The following ZNF410 variants were observed in gnomAD, a reference collection of about 807,000 sequenced individuals.
The protein encoded by ZNF410 is another partner for ARF 1.
In ZNF410, 18 loss-of-function variants were observed where a neutral mutation model predicts 54.8. The ratio of observed to expected loss-of-function variants is 0.33; its 90% CI spans 0.23 to 0.49. ZNF410 has a LOEUF of 0.49. Among genes scored for constraint, ZNF410 ranks in the 20% least tolerant of loss-of-function variants. The pLI is 0.99. For missense variants in ZNF410, 405 were observed against 569.6 expected, an observed-to-expected ratio of 0.71 and a Z score of 2.94; for synonymous variants, 191 against 207.3, an observed-to-expected ratio of 0.92 and a Z score of 0.68.
chr14:73,897,778 C>A (rs983358114), intron 4 of ZNF410, among the ~76,000 whole-genome samples: 9 of 151,962 alleles, frequency 5.9e-5, no homozygotes, highest in Non-Finnish European at 1.2e-4. Context: ...TCAAGACCAG[C>A]CTGACCAACA....
intron 8 of ZNF410, chr14:73,909,734 C>G (rs924366172): frequency 1.3e-5 from 3 of 226,384 alleles, no homozygotes; most frequent in African/African-American, 6.8e-5. Flanking sequence ...GGACCCTCTT[C>G]TTTAGGAATT....
intron 6 of ZNF410, among the ~76,000 whole-genome samples, chr14:73,904,651 G>T (rs1202827587): frequency 2.6e-5 from 4 of 152,112 alleles, no homozygotes; most frequent in Admixed American, 2.6e-4. Context: ...TAAAGACAGG[G>T]TCTCGCTATG....
At chr14:73,926,740 T>C (rs1475338812) in intron 11 of ZNF410, among the ~76,000 whole-genome samples, 2 of 93,250 alleles carry the variant, frequency 2.1e-5, no homozygotes, top group African/African-American at 6.1e-5. Context: ...CGGCCAGGAA[T>C]TGGGAGTTTT....
At chr14:73,889,682 C>A (rs78907268) in intron 1 of ZNF410, among the ~76,000 whole-genome samples, 3 of 152,038 alleles carry the variant, frequency 2.0e-5, no homozygotes, top group Non-Finnish European at 2.9e-5. Flanking sequence ...CCATATGAAA[C>A]TGTTGCAGTG....
chr14:73,901,786 C>T (rs1231894960), intron 5 of ZNF410, among the ~76,000 whole-genome samples: 1 of 150,868 alleles, frequency 6.6e-6, no homozygotes, highest in Non-Finnish European at 1.5e-5. Context: ...AAAAATTAGC[C>T]AGGTGTGGTA....
At chr14:73,920,891 T>G in intron 8 of ZNF410, 89 bp from the exon 9 acceptor site, 1 of 1,545,718 alleles carries the variant, frequency 6.5e-7, no homozygotes, top group South Asian at 1.2e-5. Flanking sequence ...ATGTTCAGTT[T>G]AACATTCTCT....
chr14:73,890,466 G>A (rs968842269), intron 1 of ZNF410, among the ~76,000 whole-genome samples: 1 of 152,096 alleles, frequency 6.6e-6, no homozygotes, highest in African/African-American at 2.4e-5. Context: ...GGGTTTACAG[G>A]CGTGAGCCAC....
intron 7 of ZNF410, 57 bp downstream of exon 7, chr14:73,905,140 C>T: frequency 6.4e-7 from 1 of 1,557,916 alleles, no homozygotes; most frequent in African/African-American, 1.4e-5. Flanking sequence ...TGCATGTTTG[C>T]CTCTCCTTAG....
chr14:73,903,863 A>C lies in ZNF410; in HGVS notation c.581-97A>C, dbSNP rs1370902074. 4.8e-6 allele frequency: 7 copies of C among 1,461,516 alleles called. No individual in the cohort carries two copies. In the East Asian group the frequency reaches 1.6e-4, roughly 33 times the overall value. The allele number at this position is 1,461,516 out of a possible 1,614,324, so 90.5% of individuals were successfully genotyped here. On this transcript the variant is annotated intron_variant, in intron 5 of 11. Transcript: ENST00000555044. ...GAAGATGAAGATAGATACCTGATTA[A>C]TGATCACTAGGAGTAAAATATAGGA...
intron 11 of ZNF410, 38 bp from the exon 12 acceptor site, chr14:73,931,465 C>G: frequency 6.4e-7 from 1 of 1,571,170 alleles, no homozygotes; most frequent in Non-Finnish European, 8.7e-7. Context: ...TATAATTCAA[C>G]TGTAACCTAT....
In ZNF410 at chr14:73,921,058, A is replaced by G; in HGVS notation, c.1082A>G (p.His361Arg). 6.2e-7 allele frequency: 1 copy of G among 1,614,170 alleles called. No individual in the cohort carries two copies. The highest frequency in any genetic ancestry group is 1.6e-4 in the Middle Eastern group (1 of 6,062). ...AGCAGGAATGTGCATATGAGAAAGC[A>G]TCACCTGCAGCTGGGAGCAGCTGGG... The part of the protein sequence containing the change: ...SGSRNVHMRK[H>R]HLQLGAAGSQ... Residue 361 changes from histidine to arginine, a missense_variant, in exon 9 of 12, where the codon CAT (histidine) becomes CGT (arginine). Coordinates refer to ENST00000555044, the MANE Select transcript of ZNF410 (RefSeq NM_021188.3).
At chr14:73,915,922 T>G (rs2055660496) in intron 8 of ZNF410, 1 of 152,096 alleles carries the variant, frequency 6.6e-6, no homozygotes, top group South Asian at 2.1e-4. Flanking sequence ...GTGCTAGACT[T>G]GGTTTTGTCA....
At chr14:73,912,924 AG>A (rs1284216743) in intron 8 of ZNF410, 3 of 150,544 alleles carry the variant, frequency 2.0e-5, no homozygotes, top group Admixed American at 6.6e-5. Context: ...TAGGATGTGC[AG>A]GTTTGTTACC....
chr14:73,929,853 CAG>C, intron 11 of ZNF410, among the ~76,000 whole-genome samples: 1 of 151,764 alleles, frequency 6.6e-6, no homozygotes, highest in African/African-American at 2.4e-5. Flanking sequence ...GGAAAAATAT[CAG>C]AAACTACAAG....
At chr14:73,889,724 G>A (rs1225305438) in intron 1 of ZNF410, among the ~76,000 whole-genome samples, 5 of 151,762 alleles carry the variant, frequency 3.3e-5, no homozygotes, top group African/African-American at 1.2e-4. Flanking sequence ...TGGAAGAAAA[G>A]TCAGGGATTT....
At chr14:73,894,400 A>G (rs1397642064) in intron 3 of ZNF410, 1 of 700,874 alleles carries the variant, frequency 1.4e-6, no homozygotes, top group African/African-American at 1.8e-5. Flanking sequence ...GTCAGGCTGC[A>G]GTGACTTGAG....
In ZNF410 at chr14:73,909,379, C is replaced by A; in HGVS notation, c.952C>A (p.Arg318Ser). ...CCTTTGTGAAGCCCAAGGATGTGGC[C>A]GTTCCTTTGCTGAGTATTCTAGCCT... is the stretch of plus-strand genomic sequence containing the variant. ...PFLCEAQGCG[R>S]SFAEYSSLRK... The change falls in exon 8 of 12, where the codon CGT becomes AGT. Residue 318 changes from arginine (R) to serine (S), a missense_variant. Transcript: ENST00000555044. The A allele has an allele frequency of 1.2e-6, 2 of 1,614,068 alleles. No individual in the cohort carries two copies. Among genetic ancestry groups the A allele is most frequent in the Non-Finnish European group, 1.7e-6 (2 of 1,179,996 alleles).
intron 4 of ZNF410, among the ~76,000 whole-genome samples, chr14:73,897,828 C>T (rs112191803): frequency 0.11 from 17,119 of 151,670 alleles, 1,250 homozygotes; most frequent in Admixed American, 0.19. Flanking sequence ...AAAAATTAGC[C>T]GGGCGTGGTG....
At chr14:73,897,556 C>T (rs1322021173) in intron 4 of ZNF410, among the ~76,000 whole-genome samples, 1 of 152,084 alleles carries the variant, frequency 6.6e-6, no homozygotes, top group Non-Finnish European at 1.5e-5. Context: ...ACAGCTTTGC[C>T]TTGAAACCAG....
Sources: allele counts gnomAD v4.1 joint callset (sites outside exome capture counted in the v4.1 genomes callset), GRCh38; gene constraint gnomAD v4.1.1; transcripts MANE v1.5; gene names NCBI Gene and HGNC (gene_info 2026-07-23, HGNC 2026-07-21).